Variants in C3orf70 observed in about 807,000 individuals in gnomAD.
C3orf70 encodes the protein chromosome 3 open reading frame 70.
A neutral mutation model predicts 20.7 loss-of-function variants in C3orf70; 15 were observed. That is an observed-to-expected ratio of 0.72 (90% CI 0.48 to 1.11). The LOEUF (loss-of-function observed/expected upper bound fraction) is 1.11, where lower values mean the gene tolerates loss of function less well. Among genes scored for constraint, C3orf70 ranks in the 50% most tolerant of loss-of-function variants. The pLI is 0.00. For missense variants in C3orf70, 332 were observed against 317.6 expected (o/e 1.05, Z -0.34); for synonymous variants, 161 against 125.7 (o/e 1.28, Z -1.88).
intron 1 of C3orf70, among the ~76,000 whole-genome samples, chr3:185,138,421 A>G (rs1031290511): frequency 2.6e-5 from 4 of 151,824 alleles, no homozygotes; most frequent in African/African-American, 7.3e-5. Context: ...CAATTACCAG[A>G]CACCAAAACC....
chr3:185,086,646 A>T (rs1320138006), intron 1 of C3orf70, among the ~76,000 whole-genome samples: 4 of 152,212 alleles, frequency 2.6e-5, no homozygotes, highest in Admixed American at 1.3e-4. Context: ...TTATTATAGC[A>T]GCCCAAACTG....
chr3:185,131,369 T>A (rs557317894), intron 1 of C3orf70, among the ~76,000 whole-genome samples: 1 of 152,334 alleles, frequency 6.6e-6, no homozygotes, highest in Admixed American at 6.5e-5. Context: ...CAACAAAAAG[T>A]AACCAAGTGG....
chr3:185,129,052 A>G (rs951753916), intron 1 of C3orf70, among the ~76,000 whole-genome samples: 1 of 152,060 alleles, frequency 6.6e-6, no homozygotes. Flanking sequence ...TTAAATTATT[A>G]TTTTTTTCTG....
chr3:185,134,945 T>C (rs1394856224), intron 1 of C3orf70, among the ~76,000 whole-genome samples: 1 of 151,992 alleles, frequency 6.6e-6, no homozygotes, highest in African/African-American at 2.4e-5. Flanking sequence ...AGGACAAGTG[T>C]GGAATCTGGA....
At chr3:185,098,993 G>A (rs1479912529) in intron 1 of C3orf70, among the ~76,000 whole-genome samples, 4 of 152,228 alleles carry the variant, frequency 2.6e-5, no homozygotes, top group African/African-American at 4.8e-5. Context: ...AATTCCTTAC[G>A]ATCAGCCAAT....
chr3:185,095,419 A>T (rs966424963), intron 1 of C3orf70, among the ~76,000 whole-genome samples: 1 of 152,250 alleles, frequency 6.6e-6, no homozygotes, highest in African/African-American at 2.4e-5. Context: ...AGTTATTAGC[A>T]GCCATTAAGT....
chr3:185,087,666 G>A (rs946651870), intron 1 of C3orf70, among the ~76,000 whole-genome samples: 1 of 152,148 alleles, frequency 6.6e-6, no homozygotes, highest in Non-Finnish European at 1.5e-5. Context: ...GCATACGGGG[G>A]GATGGGGAGT....
At chr3:185,126,667 T>C (rs969693355) in intron 1 of C3orf70, among the ~76,000 whole-genome samples, 1 of 152,210 alleles carries the variant, frequency 6.6e-6, no homozygotes, top group Non-Finnish European at 1.5e-5. Context: ...ATGACATGGG[T>C]TTCTTTGCTT....
chr3:185,077,646 A>C lies in C3orf70; in HGVS notation c.*5361T>G, dbSNP rs1561317307. Among the ~76,000 whole-genome samples, 1 of 149,370 alleles carries C rather than the reference A, an allele frequency of 6.7e-6. No homozygotes were observed. Among genetic ancestry groups the C allele is most frequent in the African/African-American group, 2.5e-5 (1 of 40,422 alleles). ...GCCCCTGAGTCTTGGTGACCAAGCG[A>C]CCCCCCCAAGCTCTGCCGGGCAGCA... On this transcript the variant is annotated 3_prime_UTR_variant, in exon 2 of 2. Transcript: ENST00000335012.
In C3orf70 at chr3:185,080,466, C is replaced by T. The variant is rs1358179482; in HGVS notation, c.*2541G>A. ...CATGGCTTTAGAAATCTGGTTGACTCCATTGGCTTAGTGGTGGGAATGTGG... is the reference window on the plus strand; with the variant it reads ...CATGGCTTTAGAAATCTGGTTGACTTCATTGGCTTAGTGGTGGGAATGTGG... On this transcript the variant is annotated 3_prime_UTR_variant, in exon 2 of 2. Transcript: ENST00000335012. The T allele has an allele frequency of 1.3e-5, 2 of 152,620 alleles. No homozygotes were observed. The highest frequency in any genetic ancestry group is 2.9e-5 in the Non-Finnish European group (2 of 68,060). 9.5% of individuals were successfully genotyped at this position (152,620 alleles called of 1,614,324 possible).
chr3:185,153,045 G>T lies in C3orf70; in HGVS notation c.-222C>A. The T allele has an allele frequency of 6.5e-6, 1 of 153,800 alleles. No homozygotes were observed. The highest frequency in any genetic ancestry group is 1.4e-5 in the Non-Finnish European group (1 of 70,842). The allele number at this position is 153,800 out of a possible 1,614,324, so 9.5% of individuals were successfully genotyped here. On this transcript the variant is annotated 5_prime_UTR_variant, in exon 1 of 2. Coordinates refer to ENST00000335012, the MANE Select transcript of C3orf70 (RefSeq NM_001025266.3). The surrounding 1 kb of genome is among the most constrained non-coding windows in gnomAD (Gnocchi z 6.8). ...TGGCAGCCTCCCTCCCTCCGGCGCGGCGCGCGCCGCGCCCCACGCGCACAC... is the reference window on the plus strand; with the variant it reads ...TGGCAGCCTCCCTCCCTCCGGCGCGTCGCGCGCCGCGCCCCACGCGCACAC...
intron 1 of C3orf70, among the ~76,000 whole-genome samples, chr3:185,147,166 A>G (rs1716893846): frequency 6.6e-6 from 1 of 152,136 alleles, no homozygotes; most frequent in African/African-American, 2.4e-5. Context: ...AGACTACATC[A>G]AGTCCCACTC....
rs576315333 is a variant in C3orf70 at position 185,083,450 on chromosome 3, G to A, written c.310C>T (p.His104Tyr). ...TIQISVSLTE[H>Y]FLKFASVFQP... ...AAGACAGATGCAAATTTCAAAAAGT[G>A]TTCGGTGAGCGAGACTGAGATCTGA... Residue 104 changes from histidine to tyrosine, a missense_variant, in exon 2 of 2, where the codon CAC becomes TAC. Coordinates refer to ENST00000335012, the MANE Select transcript of C3orf70 (RefSeq NM_001025266.3). 2 of 1,614,162 alleles carry A rather than the reference G, an allele frequency of 1.2e-6. No homozygotes were observed. Among genetic ancestry groups the A allele is most frequent in the South Asian group, 2.2e-5 (2 of 91,076 alleles).
rs549831440 is a variant in C3orf70 at position 185,077,929 on chromosome 3, T to C, written c.*5078A>G. The C allele has an allele frequency of 1.3e-5, 2 of 152,314 alleles. No individual in the cohort carries two copies. The highest frequency in any genetic ancestry group is 4.8e-5 in the African/African-American group (2 of 41,534). 9.4% of individuals were successfully genotyped at this position (152,314 alleles called of 1,614,324 possible). A position where few individuals can be genotyped will look rare whatever the true frequency, so the allele number is the denominator to read the frequency against. On this transcript the variant is annotated 3_prime_UTR_variant, in exon 2 of 2. Transcript: ENST00000335012. ...TCATTGAGGTCTTGTAAAGGTTTAA[T>C]GGGGTAATGGCCATACGCTATTTCC...
chr3:185,093,906 G>A lies in C3orf70; in HGVS notation c.197-10343C>T, dbSNP rs572966420. Reference sequence around the variant, plus strand: ...CTCAGGATCCTCAGGGGATTGGTTCGAGGACCACCCCACCCCAACAGAAAT... The same window carrying A: ...CTCAGGATCCTCAGGGGATTGGTTCAAGGACCACCCCACCCCAACAGAAAT... On this transcript the variant is annotated intron_variant, in intron 1 of 1. Coordinates refer to ENST00000335012, the MANE Select transcript of C3orf70 (RefSeq NM_001025266.3). Among the ~76,000 whole-genome samples, 45 of 151,888 alleles carry A rather than the reference G, an allele frequency of 3.0e-4. No homozygotes were observed. The South Asian group carries it at 6.9e-3, about 23-fold the overall frequency.
At position 185,104,244 on chromosome 3, in the gene C3orf70, C is replaced by T. The variant is rs575614244; in HGVS notation, c.197-20681G>A. On this transcript the variant is annotated intron_variant, in intron 1 of 1. Transcript: ENST00000335012. The stretch of plus-strand genomic sequence containing the variant: ...GTTGTGAGATGATGAGCTTGGGTAA[C>T]ACCTTAAGACAACAAGACCAGTAAC... Among the ~76,000 whole-genome samples the T allele has an allele frequency of 5.7e-4, 87 of 152,292 alleles. 2 individuals carry two copies. Among genetic ancestry groups the T allele is most frequent in the Admixed American group, 9.8e-4 (15 of 15,304 alleles).
rs181496964 is a variant in C3orf70, at chr3:185,100,567, C to T, written c.197-17004G>A. ...ACAGTGTTAAGAGGGAAATGTATAGCACTAAATACCCATATCAAAAACTTA... is the reference window on the plus strand; with the variant it reads ...ACAGTGTTAAGAGGGAAATGTATAGTACTAAATACCCATATCAAAAACTTA... On this transcript the variant is annotated intron_variant, in intron 1 of 1. Coordinates refer to ENST00000335012, the MANE Select transcript of C3orf70 (RefSeq NM_001025266.3). Among the ~76,000 whole-genome samples, 4 of 152,198 alleles carry T rather than the reference C, an allele frequency of 2.6e-5. No homozygotes were observed. The East Asian group carries it at 7.7e-4, about 29-fold the overall frequency.
chr3:185,096,418 C>T (rs984039260), intron 1 of C3orf70, among the ~76,000 whole-genome samples: 2 of 152,164 alleles, frequency 1.3e-5, no homozygotes, highest in African/African-American at 4.8e-5. Flanking sequence ...TAAAGGGAGT[C>T]ATTCCACAGT....
chr3:185,121,990 T>G (rs1716306742), intron 1 of C3orf70, among the ~76,000 whole-genome samples: 1 of 149,782 alleles, frequency 6.7e-6, no homozygotes, highest in African/African-American at 2.5e-5. Flanking sequence ...TCCCAGTTAC[T>G]AGGGAAGCGG....
Sources: allele counts gnomAD v4.1 joint callset (sites outside exome capture counted in the v4.1 genomes callset), GRCh38; gene constraint gnomAD v4.1.1; non-coding constraint Gnocchi (gnomAD v3.1); transcripts MANE v1.5; gene names NCBI Gene and HGNC (gene_info 2026-07-23, HGNC 2026-07-21).